The following SLC27A6 variants were observed in gnomAD, a reference collection of about 807,000 sequenced individuals.
The protein encoded by SLC27A6 is long-chain fatty acid transport protein 6.
SLC27A6 carries 74 observed loss-of-function variants against 63.9 expected under a neutral mutation model. The observed-to-expected ratio is 1.16, with a 90% CI of 0.96 to 1.40. SLC27A6 has a LOEUF of 1.40. Among genes scored for constraint, SLC27A6 ranks in the 40% most tolerant of loss-of-function variants. The pLI, the probability that SLC27A6 is intolerant of heterozygous loss-of-function variation, is 0.00. For missense variants in SLC27A6, 794 were observed against 732.9 expected, an observed-to-expected ratio of 1.08 and a Z score of -0.96; for synonymous variants, 287 against 260.8, an observed-to-expected ratio of 1.10 and a Z score of -0.97.
At chr5:128,981,278 G>A (rs1312486472) in intron 1 of SLC27A6, among the ~76,000 whole-genome samples, 1 of 151,978 alleles carries the variant, frequency 6.6e-6, no homozygotes. Flanking sequence ...TCAGGAGCTC[G>A]AGACCAGCCT....
intron 4 of SLC27A6, among the ~76,000 whole-genome samples, chr5:128,995,464 G>C (rs1218778095): frequency 6.6e-6 from 1 of 152,212 alleles, no homozygotes; most frequent in Non-Finnish European, 1.5e-5. Flanking sequence ...CAGATGAAAA[G>C]TAATTACAGA....
chr5:128,974,161 T>C (rs1371969550), intron 1 of SLC27A6, among the ~76,000 whole-genome samples: 1 of 152,212 alleles, frequency 6.6e-6, no homozygotes, highest in Non-Finnish European at 1.5e-5. Context: ...ATTCAGGCTT[T>C]TCTGTTGACC....
intron 4 of SLC27A6, among the ~76,000 whole-genome samples, chr5:129,010,149 T>G (rs1751683218): frequency 6.6e-6 from 1 of 152,208 alleles, no homozygotes; most frequent in African/African-American, 2.4e-5. Flanking sequence ...AAAAACAGAA[T>G]CTAAATGAAA....
chr5:128,970,136 C>G (rs1414434690), intron 1 of SLC27A6, among the ~76,000 whole-genome samples: 2 of 148,150 alleles, frequency 1.3e-5, no homozygotes, highest in East Asian at 3.9e-4. Context: ...GGTGGATAAG[C>G]TTTTTGATGT....
intron 1 of SLC27A6, among the ~76,000 whole-genome samples, chr5:128,983,794 G>A (rs1219172341): frequency 6.6e-6 from 1 of 152,070 alleles, no homozygotes; most frequent in Non-Finnish European, 1.5e-5. Context: ...TAAAACAAGC[G>A]AAATTTATTT....
intron 4 of SLC27A6, among the ~76,000 whole-genome samples, chr5:129,006,382 G>A (rs1381167954): frequency 2.0e-5 from 3 of 151,692 alleles, no homozygotes; most frequent in Non-Finnish European, 2.9e-5. Flanking sequence ...GAGCCACCGC[G>A]CCCAGCCACT....
At chr5:129,006,186 C>T (rs1345739481) in intron 4 of SLC27A6, among the ~76,000 whole-genome samples, 4 of 147,604 alleles carry the variant, frequency 2.7e-5, no homozygotes, top group Non-Finnish European at 5.9e-5. Flanking sequence ...TCACGCCATT[C>T]TCCCGCCTCA....
At chr5:128,988,467 G>C in intron 2 of SLC27A6, 133 bp from the exon 3 acceptor site, 1 of 650,100 alleles carries the variant, frequency 1.5e-6, no homozygotes, top group Non-Finnish European at 2.5e-6. Context: ...TATATTTTCT[G>C]TCAATTGCTA....
intron 1 of SLC27A6, among the ~76,000 whole-genome samples, chr5:128,980,195 A>G (rs73242036): frequency 5.3e-4 from 80 of 152,304 alleles, no homozygotes; most frequent in African/African-American, 1.6e-3. Context: ...CATCACAACC[A>G]ACAGTAGTAG....
chr5:129,002,446 T>TTCCCTCTCTTGTTCCC (rs1252106310), intron 4 of SLC27A6, among the ~76,000 whole-genome samples: 5 of 109,276 alleles, frequency 4.6e-5, no homozygotes, highest in Non-Finnish European at 1.1e-4. Flanking sequence ...CCCTCCATTG[T>TTCCCTCTCTTGTTCCC]TCCCTCTCTT....
At chr5:128,979,303 C>A (rs1455492590) in intron 1 of SLC27A6, among the ~76,000 whole-genome samples, 1 of 151,812 alleles carries the variant, frequency 6.6e-6, no homozygotes, top group Non-Finnish European at 1.5e-5. Context: ...ATAACTACTT[C>A]CCAACCCTCA....
intron 4 of SLC27A6, among the ~76,000 whole-genome samples, chr5:128,995,646 G>A (rs1244748748): frequency 6.6e-6 from 1 of 152,120 alleles, no homozygotes; most frequent in African/African-American, 2.4e-5. Context: ...AGAAAAGCTG[G>A]GAGGTTGCCG....
intron 4 of SLC27A6, among the ~76,000 whole-genome samples, chr5:128,992,301 C>T (rs1220954452): frequency 6.6e-6 from 1 of 152,046 alleles, no homozygotes; most frequent in Admixed American, 6.6e-5. Flanking sequence ...ATCACATCTG[C>T]TTAAGGCATG....
In SLC27A6 at chr5:129,030,278, G is replaced by C. The variant is rs527926160; in HGVS notation, c.1683+571G>C. 1.2e-4 allele frequency among the ~76,000 whole-genome samples: 18 copies of C among 151,760 alleles called. 1 individual carries two copies. In the South Asian group the frequency reaches 2.1e-3, roughly 18 times the overall value. ...AGAAAACAAATTTCCTTAACTACTG[G>C]GTAACTTTACTTACTCATTTATTCA... On this transcript the variant is annotated intron_variant, in intron 9 of 9. Coordinates refer to ENST00000262462, the MANE Select transcript of SLC27A6 (RefSeq NM_001017372.3).
chr5:129,018,585 C>T (rs1045908838), intron 5 of SLC27A6, among the ~76,000 whole-genome samples: 5 of 152,146 alleles, frequency 3.3e-5, no homozygotes, highest in South Asian at 2.1e-4. Context: ...CTGAGTTTTA[C>T]GTTCCTTGCA....
At chr5:129,004,349 T>C (rs1751446927) in intron 4 of SLC27A6, among the ~76,000 whole-genome samples, 1 of 152,192 alleles carries the variant, frequency 6.6e-6, no homozygotes, top group African/African-American at 2.4e-5. Flanking sequence ...TGACTCTGTC[T>C]GGCTCTGTCT....
chr5:129,027,013 C>T, intron 6 of SLC27A6, 120 bp from the exon 7 acceptor site: 1 of 767,308 alleles, frequency 1.3e-6, no homozygotes, highest in Non-Finnish European at 2.2e-6. Context: ...GAAATAGGTT[C>T]AGAGGAAGCT....
chr5:129,011,760 T>C (rs535762608), intron 4 of SLC27A6, among the ~76,000 whole-genome samples: 10 of 152,280 alleles, frequency 6.6e-5, no homozygotes, highest in African/African-American at 2.4e-4. Context: ...TTTAAGGGGC[T>C]ACTGATAAAC....
chr5:129,012,390 G>A (rs1012580678), intron 4 of SLC27A6, among the ~76,000 whole-genome samples: 1 of 151,188 alleles, frequency 6.6e-6, no homozygotes, highest in Admixed American at 6.6e-5. Flanking sequence ...ACAAATGATC[G>A]ATCTATTTTG....
Sources: allele counts gnomAD v4.1 joint callset (sites outside exome capture counted in the v4.1 genomes callset), GRCh38; gene constraint gnomAD v4.1.1; transcripts MANE v1.5; gene names NCBI Gene and HGNC (gene_info 2026-07-23, HGNC 2026-07-21).